The following NEGR1 variants were observed in gnomAD, a reference collection of about 807,000 sequenced individuals.
NEGR1 encodes the protein neuronal growth regulator 1.
In NEGR1, 10 loss-of-function variants were observed where a neutral mutation model predicts 40.9. The observed-to-expected ratio is 0.24, with a 90% confidence interval of 0.15 to 0.42. NEGR1 has a LOEUF of 0.42. NEGR1 is among the 10% of genes least tolerant of loss of function. NEGR1 has a pLI of 1.00. For synonymous variants in NEGR1, 185 were observed against 166.8 expected (o/e 1.11, Z -0.84); for missense variants, 352 against 438.9 (o/e 0.80, Z 1.77).
At chr1:72,163,148 T>A in intron 1 of NEGR1, among the ~76,000 whole-genome samples, 1 of 152,170 alleles carries the variant, frequency 6.6e-6, no homozygotes, top group East Asian at 1.9e-4. Flanking sequence ...TGCAGTGCAG[T>A]TATTTAACAG....
chr1:71,479,609 T>C (rs897004946), intron 6 of NEGR1, among the ~76,000 whole-genome samples: 4 of 152,014 alleles, frequency 2.6e-5, no homozygotes, highest in Non-Finnish European at 4.4e-5. Context: ...AAGGTAAATA[T>C]ACGCTTAAGG....
intron 2 of NEGR1, among the ~76,000 whole-genome samples, chr1:71,898,949 A>AATATATATATAGC (rs1661055867): frequency 1.7e-5 from 2 of 119,354 alleles, no homozygotes; most frequent in African/African-American, 6.9e-5. Flanking sequence ...ATATATTGCA[A>AATATATATATAGC]ATATATATAT....
chr1:71,781,193 A>G (rs1257968703), intron 2 of NEGR1, among the ~76,000 whole-genome samples: 1 of 152,226 alleles, frequency 6.6e-6, no homozygotes, highest in Non-Finnish European at 1.5e-5. Flanking sequence ...AGAAGCCAGC[A>G]TCACGGTGAC....
At chr1:72,012,904 A>C (rs1321902803) in intron 1 of NEGR1, among the ~76,000 whole-genome samples, 1 of 148,736 alleles carries the variant, frequency 6.7e-6, no homozygotes, top group Non-Finnish European at 1.5e-5. Context: ...GCAAGATACT[A>C]GTTGTAGGGG....
At chr1:72,089,984 T>C (rs1648398055) in intron 1 of NEGR1, among the ~76,000 whole-genome samples, 1 of 152,104 alleles carries the variant, frequency 6.6e-6, no homozygotes, top group Non-Finnish European at 1.5e-5. Context: ...GAAATAAAGA[T>C]TGGAAGTTAG....
chr1:72,092,102 T>A (rs1261243354), intron 1 of NEGR1, among the ~76,000 whole-genome samples: 1 of 152,002 alleles, frequency 6.6e-6, no homozygotes, highest in African/African-American at 2.4e-5. Context: ...ATTGAATCAG[T>A]GTAAGTGAGT....
At chr1:71,821,921 C>G (rs1658441663) in intron 2 of NEGR1, among the ~76,000 whole-genome samples, 2 of 151,918 alleles carry the variant, frequency 1.3e-5, no homozygotes. Context: ...CATGGCAGCA[C>G]TATTGCACCA....
intron 4 of NEGR1, among the ~76,000 whole-genome samples, chr1:71,635,812 T>C (rs1889299): frequency 0.25 from 38,297 of 151,934 alleles, 5,934 homozygotes; most frequent in East Asian, 0.5. Context: ...AAAGTGTTAA[T>C]TGATGTCATG....
At chr1:71,790,459 G>A (rs1238919738) in intron 2 of NEGR1, among the ~76,000 whole-genome samples, 1 of 152,046 alleles carries the variant, frequency 6.6e-6, no homozygotes, top group Admixed American at 6.6e-5. Context: ...AGACAGAATA[G>A]TAAAGTGCAT....
chr1:71,618,572 C>T (rs1650514823), intron 4 of NEGR1, among the ~76,000 whole-genome samples: 1 of 152,032 alleles, frequency 6.6e-6, no homozygotes, highest in South Asian at 2.1e-4. Context: ...CCAGATGAGA[C>T]TGTCTAGTTG....
At chr1:71,907,653 T>C (rs1396558901) in intron 2 of NEGR1, among the ~76,000 whole-genome samples, 1 of 152,174 alleles carries the variant, frequency 6.6e-6, no homozygotes, top group Non-Finnish European at 1.5e-5. Flanking sequence ...TTACCGAGTT[T>C]ATATCTCAAA....
intron 3 of NEGR1, among the ~76,000 whole-genome samples, chr1:71,729,371 C>A (rs898566452): frequency 6.6e-6 from 1 of 152,158 alleles, no homozygotes; most frequent in African/African-American, 2.4e-5. Flanking sequence ...TAATCATAAT[C>A]AAATCAAATC....
intron 6 of NEGR1, among the ~76,000 whole-genome samples, chr1:71,513,070 A>T (rs1337517169): frequency 6.6e-6 from 1 of 152,210 alleles, no homozygotes; most frequent in East Asian, 1.9e-4. Flanking sequence ...CTGATGGAAT[A>T]GTTTATGGAT....
intron 5 of NEGR1, among the ~76,000 whole-genome samples, chr1:71,606,383 C>T (rs116083509): frequency 0.013 from 2,011 of 152,302 alleles, 57 homozygotes; most frequent in African/African-American, 0.046. Flanking sequence ...CACCAGGTGA[C>T]ATCTTGACTG....
chr1:72,119,378 T>A (rs1649710964), intron 1 of NEGR1, among the ~76,000 whole-genome samples: 1 of 151,912 alleles, frequency 6.6e-6, no homozygotes, highest in Non-Finnish European at 1.5e-5. Flanking sequence ...GAGTAGTATA[T>A]GGTCTGTATG....
chr1:71,614,847 G>T (rs568708781), intron 4 of NEGR1, among the ~76,000 whole-genome samples: 1 of 152,132 alleles, frequency 6.6e-6, no homozygotes, highest in Non-Finnish European at 1.5e-5. Flanking sequence ...GTGTACATAC[G>T]GCTCAGTACT....
intron 2 of NEGR1, among the ~76,000 whole-genome samples, chr1:71,870,036 C>G (rs2101832070): frequency 6.6e-6 from 1 of 152,060 alleles, no homozygotes; most frequent in African/African-American, 2.4e-5. Flanking sequence ...CGGGCCACCA[C>G]AGCTGGCTAA....
In NEGR1 at chr1:71,397,086, AC is replaced by A. The variant is rs1291924875; in HGVS notation, c.*10359del. ...GACCAAAATGCTGATAATGATATGG[AC>A]AATAAAATCCAGGCTGAGGTGGTCT... On this transcript the variant is annotated 3_prime_UTR_variant, in exon 7 of 7. Coordinates refer to ENST00000357731, the MANE Select transcript of NEGR1 (RefSeq NM_173808.3). 3.1e-5 allele frequency: 5 copies of A among 160,450 alleles called. No individual in the cohort carries two copies. In the South Asian group the frequency reaches 7.9e-4, roughly 25 times the overall value. The allele number at this position is 160,450 out of a possible 1,614,324, so 9.9% of individuals were successfully genotyped here.
chr1:71,776,057 G>A (rs1045805525), intron 3 of NEGR1, 115 bp downstream of exon 3: 11 of 425,304 alleles, frequency 2.6e-5, no homozygotes, highest in South Asian at 9.9e-5. Context: ...TCTGCCTACC[G>A]CATGAATAAA....
Sources: gnomAD v4.1 joint callset for allele counts (sites outside exome capture counted in the v4.1 genomes callset) on GRCh38, gnomAD v4.1.1 for gene constraint, MANE v1.5 for transcripts, NCBI Gene and HGNC (gene_info 2026-07-23, HGNC 2026-07-21) for gene names.